LIPG: variants seen among roughly 807,000 people sequenced by gnomAD.
LIPG encodes the protein lipase G, endothelial type, also known as endothelial lipase.
In LIPG, 34 loss-of-function variants were observed where a neutral mutation model predicts 51.8. The observed-to-expected ratio is 0.66, with a 90% CI of 0.50 to 0.87. LIPG has a LOEUF of 0.87. Ranked by LOEUF, LIPG falls within the 40% of genes least tolerant of loss-of-function variation. The probability of loss-of-function intolerance (pLI) is 0.00; values close to 1 mark genes in which losing one functional copy is unlikely to be tolerated. For missense variants in LIPG, 580 were observed against 652.7 expected (o/e 0.89, Z 1.21); for synonymous variants, 246 against 246.1 (o/e 1.00, Z 0.00).
chr18:49,577,814 C>A (rs2084741251), intron 5 of LIPG, among the ~76,000 whole-genome samples: 1 of 117,314 alleles, frequency 8.5e-6, no homozygotes, highest in Non-Finnish European at 1.8e-5. Flanking sequence ...CCACCTCCCT[C>A]CCGGACGGGG....
chr18:49,561,939 C>CG, upstream of LIPG: 1 of 1,338,604 alleles, frequency 7.5e-7, no homozygotes, highest in South Asian at 2.4e-5. Context: ...TCGGTTCCGG[C>CG]GTCAGCAAGG....
chr18:49,571,670 A>G (rs2084665327), intron 4 of LIPG, among the ~76,000 whole-genome samples: 1 of 152,144 alleles, frequency 6.6e-6, no homozygotes, highest in Non-Finnish European at 1.5e-5. Context: ...TAGACTTCTC[A>G]TGGACCTGTG....
chr18:49,561,862 A>G, upstream of LIPG: 1 of 1,268,434 alleles, frequency 7.9e-7, no homozygotes, highest in East Asian at 3.0e-5. Context: ...CCCGGGAGGA[A>G]GCGGGGCCGA....
At chr18:49,565,576 G>T (rs1174111457) in intron 2 of LIPG, 78 bp downstream of exon 2, 1 of 1,523,860 alleles carries the variant, frequency 6.6e-7, no homozygotes, top group East Asian at 2.3e-5. Context: ...AAGAATTCTG[G>T]TGTTTCCAGA....
rs2084986084 is a variant in LIPG at position 49,596,956 on chromosome 18, T to C, written c.*6434T>C. 1 of 152,244 alleles carries C rather than the reference T, an allele frequency of 6.6e-6. No individual in the cohort carries two copies. Among genetic ancestry groups the C allele is most frequent in the East Asian group, 1.9e-4 (1 of 5,202 alleles). 9.4% of individuals were successfully genotyped at this position (152,244 alleles called of 1,614,324 possible). On this transcript the variant is annotated 3_prime_UTR_variant, in exon 10 of 10. Coordinates refer to ENST00000261292, the MANE Select transcript of LIPG (RefSeq NM_006033.4). ...GGAGCTTGTAACTGAACTGAAGTCA[T>C]GCACATTGTCAATGGCTAGTAGACC...
chr18:49,593,704 A>C lies in LIPG; in HGVS notation c.*3182A>C, dbSNP rs2084965181. On this transcript the variant is annotated 3_prime_UTR_variant, in exon 10 of 10. Coordinates refer to ENST00000261292, the MANE Select transcript of LIPG (RefSeq NM_006033.4). ...GTCCCCTACCAGCCAATGGAAAGCC[A>C]GAAAAGGGAAGGGATGAACAGTCTC... The C allele has an allele frequency of 6.6e-6, 1 of 152,256 alleles. No homozygotes were observed. The highest frequency in any genetic ancestry group is 6.5e-5 in the Admixed American group (1 of 15,282). 9.4% of individuals were successfully genotyped at this position (152,256 alleles called of 1,614,324 possible).
At chr18:49,577,842 G>T in intron 5 of LIPG, among the ~76,000 whole-genome samples, 1 of 119,322 alleles carries the variant, frequency 8.4e-6, no homozygotes, top group Non-Finnish European at 1.8e-5. Flanking sequence ...CCGGGTGGGG[G>T]GGCTGACCCC....
intron 5 of LIPG, among the ~76,000 whole-genome samples, chr18:49,577,829 T>C (rs1350446138): frequency 8.7e-6 from 1 of 114,368 alleles, no homozygotes; most frequent in Non-Finnish European, 1.8e-5. Context: ...ACGGGGCGGC[T>C]GGCCGGGTGG....
chr18:49,582,707 A>G (rs940266114), intron 7 of LIPG, among the ~76,000 whole-genome samples: 1 of 152,212 alleles, frequency 6.6e-6, no homozygotes, highest in African/African-American at 2.4e-5. Context: ...TCCTGGGATG[A>G]ATCGGCATCA....
intron 5 of LIPG, among the ~76,000 whole-genome samples, chr18:49,578,535 C>T (rs1282446234): frequency 6.8e-6 from 1 of 147,628 alleles, no homozygotes; most frequent in African/African-American, 2.6e-5. Context: ...CCTCACTTTC[C>T]AGACTGGGCA....
rs780669629 is a variant in LIPG at position 49,586,750 on chromosome 18, A to G, written c.1381A>G (p.Thr461Ala). 2 of 1,613,032 alleles carry G rather than the reference A, an allele frequency of 1.2e-6. No homozygotes were observed. Among genetic ancestry groups the G allele is most frequent in the Admixed American group, 1.7e-5 (1 of 59,990 alleles). The change falls in exon 9 of 10, where the codon ACA (threonine) becomes GCA (alanine). Residue 461 changes from threonine to alanine, a missense_variant. Thr to Ala is a moderately conservative substitution (Grantham distance 58). Transcript: ENST00000261292. ...VKSGETQRKL[T>A]FCTEDPENTS... The stretch of plus-strand genomic sequence containing the variant: ...GTGGTTTCTTTTCCCTCCTAGACTG[A>G]CATTTTGTACAGAAGACCCTGAGAA...
At chr18:49,590,053 A>C in intron 9 of LIPG, 1 of 302,564 alleles carries the variant, frequency 3.3e-6, no homozygotes, top group East Asian at 8.3e-5. Flanking sequence ...TGAGACTAGA[A>C]TCCAGGTCTC....
chr18:49,590,997 G>C lies in LIPG; in HGVS notation c.*475G>C. On this transcript the variant is annotated 3_prime_UTR_variant, in exon 10 of 10. Coordinates refer to ENST00000261292, the MANE Select transcript of LIPG (RefSeq NM_006033.4). ...GGATGGCAGGCCTGGTATCTTGCTC[G>C]GGCCCTAGCTGTTGGGGTTCTCATG... is the stretch of plus-strand genomic sequence containing the variant. The C allele has an allele frequency of 3.9e-6, 1 of 259,172 alleles. No homozygotes were observed. Among genetic ancestry groups the C allele is most frequent in the South Asian group, 5.1e-5 (1 of 19,478 alleles). The allele number at this position is 259,172 out of a possible 1,614,324, so 16.1% of individuals were successfully genotyped here. A position where few individuals can be genotyped will look rare whatever the true frequency, so the allele number is the denominator to read the frequency against.
At chr18:49,569,009 G>A (rs1408116540) in intron 3 of LIPG, among the ~76,000 whole-genome samples, 1 of 152,166 alleles carries the variant, frequency 6.6e-6, no homozygotes, top group South Asian at 2.1e-4. Flanking sequence ...GCAGCTCCTG[G>A]GGCTGGGTGG....
chr18:49,569,573 G>A (rs763867811), intron 4 of LIPG, 25 bp downstream of exon 4: 1 of 1,567,228 alleles, frequency 6.4e-7, no homozygotes, highest in Non-Finnish European at 8.8e-7. Context: ...CATCACTAAA[G>A]GGCTCCCTCA....
intron 3 of LIPG, among the ~76,000 whole-genome samples, chr18:49,568,327 G>T (rs2084628594): frequency 1.3e-5 from 2 of 151,944 alleles, no homozygotes; most frequent in African/African-American, 4.8e-5. Context: ...ACCGTGCCCA[G>T]CCTGCCTGAT....
chr18:49,579,025 AGG>A (rs749624098), intron 5 of LIPG, among the ~76,000 whole-genome samples: 7 of 92 alleles, frequency 0.076, no homozygotes, highest in Admixed American at 0.25. Context: ...GGAGAGGGAG[AGG>A]GAGAGGGAGA....
At chr18:49,585,774 A>T (rs764452790) in intron 8 of LIPG, among the ~76,000 whole-genome samples, 1 of 152,182 alleles carries the variant, frequency 6.6e-6, no homozygotes, top group Non-Finnish European at 1.5e-5. Flanking sequence ...CTAATTTTCC[A>T]TCTTAACTAT....
intron 5 of LIPG, among the ~76,000 whole-genome samples, chr18:49,579,055 A>C (rs1406886227): frequency 0.12 from 1 of 8 alleles, no homozygotes; most frequent in East Asian, 0.5. Flanking sequence ...GGAGAGGGAG[A>C]GGGAGAGGGA....
Sources: allele counts gnomAD v4.1 joint callset (sites outside exome capture counted in the v4.1 genomes callset), GRCh38; gene constraint gnomAD v4.1.1; transcripts MANE v1.5; gene names NCBI Gene and HGNC (gene_info 2026-07-23, HGNC 2026-07-21).